Variants in ST3GAL3 observed in about 807,000 individuals in gnomAD.
ST3GAL3 encodes CMP-N-acetylneuraminate-beta-1,4-galactoside alpha-2,3-sialyltransferase.
In ST3GAL3, 21 loss-of-function variants were observed where a neutral mutation model predicts 50.1. The observed-to-expected ratio is 0.42, with a 90% CI of 0.30 to 0.60. The LOEUF (loss-of-function observed/expected upper bound fraction) is 0.60, where lower values mean the gene tolerates loss of function less well. Ranked by LOEUF, ST3GAL3 falls within the 20% of genes least tolerant of loss-of-function variation. The pLI, the probability that ST3GAL3 is intolerant of heterozygous loss-of-function variation, is 0.19. For synonymous variants in ST3GAL3, 183 were observed against 190.0 expected (o/e 0.96, Z 0.30); for missense variants, 353 against 489.4 (o/e 0.72, Z 2.63).
chr1:43,906,082 C>T (rs1385606084), intron 9 of ST3GAL3, among the ~76,000 whole-genome samples: 1 of 126,064 alleles, frequency 7.9e-6, no homozygotes, highest in African/African-American at 3.1e-5. Context: ...TTTTCCTCCC[C>T]CTCCTCCTGC....
At chr1:43,854,840 C>CATT (rs2068035174) in intron 5 of ST3GAL3, among the ~76,000 whole-genome samples, 4 of 152,178 alleles carry the variant, frequency 2.6e-5, no homozygotes, top group Admixed American at 2.6e-4. Flanking sequence ...CCCTCTTAAC[C>CATT]AGATATCTAA....
chr1:43,918,767 A>G (rs2082513550), intron 9 of ST3GAL3, among the ~76,000 whole-genome samples: 1 of 152,082 alleles, frequency 6.6e-6, no homozygotes, highest in African/African-American at 2.4e-5. Flanking sequence ...GAATTATGTT[A>G]AACCTGTACA....
intron 3 of ST3GAL3, among the ~76,000 whole-genome samples, chr1:43,805,514 T>C (rs2059769743): frequency 6.6e-6 from 1 of 152,192 alleles, no homozygotes; most frequent in South Asian, 2.1e-4. Flanking sequence ...GCTAACAAGT[T>C]AGATCAGAGA....
chr1:43,746,712 T>G (rs543898741), intron 2 of ST3GAL3, among the ~76,000 whole-genome samples: 1 of 151,918 alleles, frequency 6.6e-6, no homozygotes, highest in Admixed American at 6.6e-5. Context: ...TTCACCTGCC[T>G]TGGCCTCCCA....
At chr1:43,842,784 C>T (rs1241218654) in intron 5 of ST3GAL3, 1 of 118,398 alleles carries the variant, frequency 8.4e-6, no homozygotes, top group Non-Finnish European at 1.6e-5. Context: ...CTACACAAAG[C>T]AAGACTCCAT....
At chr1:43,823,747 CA>C (rs2062415203) in intron 4 of ST3GAL3, among the ~76,000 whole-genome samples, 1 of 152,162 alleles carries the variant, frequency 6.6e-6, no homozygotes, top group Admixed American at 6.5e-5. Flanking sequence ...ACTTAGTGAT[CA>C]ATTAATAAAT....
chr1:43,854,404 C>T (rs1035831991), intron 5 of ST3GAL3, among the ~76,000 whole-genome samples: 1 of 152,158 alleles, frequency 6.6e-6, no homozygotes, highest in Non-Finnish European at 1.5e-5. Context: ...TCTCTTCCTC[C>T]ATTTTGAAAC....
At chr1:43,764,075 A>G (rs984977776) in intron 2 of ST3GAL3, among the ~76,000 whole-genome samples, 1 of 151,982 alleles carries the variant, frequency 6.6e-6, no homozygotes, top group African/African-American at 2.4e-5. Context: ...TCAGAAAGTA[A>G]CTGCTATAAT....
intron 2 of ST3GAL3, among the ~76,000 whole-genome samples, chr1:43,741,092 T>C (rs192181670): frequency 8.5e-4 from 130 of 152,210 alleles, no homozygotes; most frequent in African/African-American, 3.0e-3. Context: ...TTTTGGAGGC[T>C]GAAGTGGAAG....
At chr1:43,750,157 C>T (rs2367725) in intron 2 of ST3GAL3, among the ~76,000 whole-genome samples, 48,681 of 152,134 alleles carry the variant, frequency 0.32, 9,343 homozygotes, top group East Asian at 0.53. Flanking sequence ...TGCCACTTCA[C>T]ACCCATTAGA....
chr1:43,884,107 G>C (rs902602149), intron 5 of ST3GAL3, among the ~76,000 whole-genome samples: 1 of 152,218 alleles, frequency 6.6e-6, no homozygotes, highest in African/African-American at 2.4e-5. Flanking sequence ...TTCTGAGCTC[G>C]TACTCAGCAC....
chr1:43,780,229 C>G (rs1043391729), intron 2 of ST3GAL3, among the ~76,000 whole-genome samples: 4 of 152,170 alleles, frequency 2.6e-5, no homozygotes, highest in African/African-American at 9.7e-5. Context: ...ACCATTTTCC[C>G]TCAGTATTTT....
intron 11 of ST3GAL3, among the ~76,000 whole-genome samples, chr1:43,929,685 G>C (rs908178745): frequency 6.6e-6 from 1 of 152,144 alleles, no homozygotes; most frequent in Non-Finnish European, 1.5e-5. Context: ...TTCATCCGCC[G>C]CCCCCAGGCC....
At chr1:43,823,060 G>T (rs781094587) in intron 4 of ST3GAL3, among the ~76,000 whole-genome samples, 97 of 152,160 alleles carry the variant, frequency 6.4e-4, no homozygotes, top group Non-Finnish European at 7.9e-4. Flanking sequence ...CTCAGATCCA[G>T]CCACTTCTCA....
At position 43,839,124 on chromosome 1, in the gene ST3GAL3, A is replaced by C. The variant is rs577718723; in HGVS notation, c.302+813A>C. On this transcript the variant is annotated intron_variant, in intron 5 of 11. Coordinates refer to ENST00000347631, the MANE Select transcript of ST3GAL3 (RefSeq NM_006279.5). Reference sequence around the variant, plus strand: ...TAGAAGGCTGAGGTTAGGACACGTAATGTGCTTGCAAAGGAATGCTGAGAA... The same window carrying C: ...TAGAAGGCTGAGGTTAGGACACGTACTGTGCTTGCAAAGGAATGCTGAGAA... 2.0e-5 allele frequency: 3 copies of C among 152,650 alleles called. No individual in the cohort carries two copies. In the South Asian group the frequency reaches 6.2e-4, roughly 32 times the overall value. The allele number at this position is 152,650 out of a possible 1,614,324, so 9.5% of individuals were successfully genotyped here.
chr1:43,921,395 G>T (rs2154295678), intron 11 of ST3GAL3: 2 of 417,134 alleles, frequency 4.8e-6, no homozygotes, highest in Non-Finnish European at 8.4e-6. Context: ...GTACATTACA[G>T]GTCTCCAGCC....
At chr1:43,766,428 A>G (rs561223648) in intron 2 of ST3GAL3, among the ~76,000 whole-genome samples, 1 of 152,314 alleles carries the variant, frequency 6.6e-6, no homozygotes, top group South Asian at 2.1e-4. Context: ...ATAAGTAAAT[A>G]AATAAGAAGT....
chr1:43,853,060 T>C (rs914840136), intron 5 of ST3GAL3, among the ~76,000 whole-genome samples: 1 of 152,262 alleles, frequency 6.6e-6, no homozygotes, highest in African/African-American at 2.4e-5. Flanking sequence ...ATAATTGGCA[T>C]ACCCCATTTT....
chr1:43,930,939 G>C lies in ST3GAL3; in HGVS notation c.*718G>C, dbSNP rs1020478997. 5 of 156,104 alleles carry C rather than the reference G, an allele frequency of 3.2e-5. No homozygotes were observed. The highest frequency in any genetic ancestry group is 6.2e-5 in the Admixed American group (1 of 16,056). The allele number at this position is 156,104 out of a possible 1,614,324, so 9.7% of individuals were successfully genotyped here. On this transcript the variant is annotated 3_prime_UTR_variant, in exon 12 of 12. Transcript: ENST00000347631. ...AGGAGGGTGACGCCCAGCTCCGCCT[G>C]CTGGGAAGAGCTCCCCTCCACAGCT...
Sources: gnomAD v4.1 joint callset for allele counts (sites outside exome capture counted in the v4.1 genomes callset) on GRCh38, gnomAD v4.1.1 for gene constraint, MANE v1.5 for transcripts, NCBI Gene and HGNC (gene_info 2026-07-23, HGNC 2026-07-21) for gene names.